The following DNAJC21 variants were observed in gnomAD, a reference collection of about 807,000 sequenced individuals.
DNAJC21 encodes the protein DnaJ heat shock protein family (Hsp40) member C21.
In DNAJC21, 63 loss-of-function variants were observed where a neutral mutation model predicts 72.4. The ratio of observed to expected loss-of-function variants is 0.87; its 90% CI spans 0.71 to 1.07. The LOEUF (loss-of-function observed/expected upper bound fraction) is 1.07. Ranked by LOEUF, DNAJC21 falls within the 50% of genes least tolerant of loss-of-function variation. DNAJC21 has a pLI of 0.00. For synonymous variants in DNAJC21, 203 were observed against 216.7 expected (o/e 0.94, Z 0.56); for missense variants, 634 against 644.8 (o/e 0.98, Z 0.18).
At chr5:34,945,173 G>A (rs749035639) in intron 8 of DNAJC21, 148 bp downstream of exon 8, 3 of 941,164 alleles carry the variant, frequency 3.2e-6, no homozygotes, top group Non-Finnish European at 4.8e-6. Context: ...CAACTTGTGG[G>A]TTCAAGTGAT....
At position 34,954,638 on chromosome 5, in the gene DNAJC21, C is replaced by G; in HGVS notation, c.1520C>G (p.Ala507Gly). ...GACCATCTAAAGGCCACAGGTCATG[C>G]AAGAGCACCTTCATCATCGTCTTTA... ...LFDHLKATGHARAPSSSSLNS... is the reference protein window; with the variant it reads ...LFDHLKATGHGRAPSSSSLNS... Residue 507 changes from alanine to glycine, a missense_variant, in exon 12 of 12, where the codon GCA becomes GGA. Transcript: ENST00000648817. 1.2e-6 allele frequency: 2 copies of G among 1,613,754 alleles called. No individual in the cohort carries two copies. The highest frequency in any genetic ancestry group is 1.1e-5 in the South Asian group (1 of 91,010).
At chr5:34,945,438 C>G (rs1765143407) in intron 8 of DNAJC21, among the ~76,000 whole-genome samples, 1 of 152,122 alleles carries the variant, frequency 6.6e-6, no homozygotes, top group Admixed American at 6.5e-5. Context: ...TCCATATTTT[C>G]TAGTTAATGG....
intron 10 of DNAJC21, chr5:34,953,719 G>A: frequency 2.3e-6 from 1 of 436,074 alleles, no homozygotes. Flanking sequence ...TAATTTTTGT[G>A]CCAAATTTGA....
intron 1 of DNAJC21, 114 bp downstream of exon 1, chr5:34,930,030 G>A: frequency 1.3e-6 from 1 of 793,534 alleles, no homozygotes. Context: ...TGGCGGCCTA[G>A]GAGCTCCTTG....
At position 34,954,952 on chromosome 5, in the gene DNAJC21, C is replaced by T; in HGVS notation, c.*238C>T. The T allele has an allele frequency of 3.0e-6, 1 of 338,048 alleles. No individual in the cohort carries two copies. Among genetic ancestry groups the T allele is most frequent in the Non-Finnish European group, 5.2e-6 (1 of 190,968 alleles). The allele number at this position is 338,048 out of a possible 1,614,324, so 20.9% of individuals were successfully genotyped here. A position where few individuals can be genotyped will look rare whatever the true frequency, so the allele number is the denominator to read the frequency against. The stretch of plus-strand genomic sequence containing the variant: ...TTGAATGTCTTAAAACAGGTAAATA[C>T]TGTAAAGTGTGTATTCTTGATGTTT... On this transcript the variant is annotated 3_prime_UTR_variant, in exon 12 of 12. Transcript: ENST00000648817.
rs1421129640 is a variant in DNAJC21, at chr5:34,937,395, T to C, written c.508T>C (p.Tyr170His). Residue 170 changes from tyrosine (Y) to histidine (H), a missense_variant, in exon 5 of 12, where the codon TAT (tyrosine) becomes CAT (histidine). Coordinates refer to ENST00000648817, the MANE Select transcript of DNAJC21 (RefSeq NM_001012339.3). ...TQKNFAWKEE[Y>H]DTRQASNRWE... is the part of the protein sequence containing the mutation. Reference sequence around the variant, plus strand: ...AAAGAATTTTGCATGGAAGGAAGAATATGATACACGACAGGCTTCAAACCG... The same window carrying C: ...AAAGAATTTTGCATGGAAGGAAGAACATGATACACGACAGGCTTCAAACCG... 5.0e-6 allele frequency: 8 copies of C among 1,613,960 alleles called. No homozygotes were observed. The highest frequency in any genetic ancestry group is 6.8e-6 in the Non-Finnish European group (8 of 1,180,032).
At chr5:34,951,907 C>G (rs1655294593) in intron 10 of DNAJC21, 4 of 985,330 alleles carry the variant, frequency 4.1e-6, no homozygotes, top group Admixed American at 6.2e-5. Context: ...GTTCAGCTCT[C>G]TAATTTCACT....
In DNAJC21 at chr5:34,944,800, C is replaced by T. The variant is rs1580534728; in HGVS notation, c.984-67C>T. 12 of 1,581,640 alleles carry T rather than the reference C, an allele frequency of 7.6e-6. No homozygotes were observed. The East Asian group carries it at 2.5e-4, about 33-fold the overall frequency. On this transcript the variant is annotated intron_variant, in intron 7 of 11. Transcript: ENST00000648817. ...CTAATTTTATCTTGGTTGCAGTTATCCAGCAACATTATCTGGACACGTGAA... is the reference window on the plus strand; with the variant it reads ...CTAATTTTATCTTGGTTGCAGTTATTCAGCAACATTATCTGGACACGTGAA...
intron 1 of DNAJC21, 42 bp downstream of exon 1, chr5:34,929,958 C>T (rs780192052): frequency 2.1e-5 from 31 of 1,472,042 alleles, no homozygotes; most frequent in Admixed American, 4.0e-5. Context: ...CTCGGAGAAG[C>T]CCGGCCCTCC....
intron 7 of DNAJC21, 93 bp downstream of exon 7, chr5:34,941,276 C>T: frequency 9.0e-7 from 1 of 1,113,312 alleles, no homozygotes; most frequent in African/African-American, 1.6e-5. Context: ...TGACTCACCA[C>T]AGCCTCGACC....
chr5:34,955,609 G>C lies in DNAJC21; in HGVS notation c.*895G>C, dbSNP rs1458937699. 2 of 151,776 alleles carry C rather than the reference G, an allele frequency of 1.3e-5. No homozygotes were observed. The highest frequency in any genetic ancestry group is 2.9e-5 in the Non-Finnish European group (2 of 67,974). The allele number at this position is 151,776 out of a possible 1,614,324, so 9.4% of individuals were successfully genotyped here. On this transcript the variant is annotated 3_prime_UTR_variant, in exon 12 of 12. Coordinates refer to ENST00000648817, the MANE Select transcript of DNAJC21 (RefSeq NM_001012339.3). The stretch of plus-strand genomic sequence containing the variant: ...TAATGAAAGATTTTGTGATAGAGCT[G>C]ATGCTTATACATCTATTCTATAACA...
At chr5:34,936,399 G>A in intron 4 of DNAJC21, 133 bp downstream of exon 4, 1 of 1,065,634 alleles carries the variant, frequency 9.4e-7, no homozygotes, top group Non-Finnish European at 1.3e-6. Context: ...TCTCACAGCA[G>A]CCTCAAACTC....
At position 34,929,936 on chromosome 5, in the gene DNAJC21, C is replaced by G; in HGVS notation, c.97+20C>G. 6.5e-7 allele frequency: 1 copy of G among 1,538,904 alleles called. No homozygotes were observed. The highest frequency in any genetic ancestry group is 8.8e-7 in the Non-Finnish European group (1 of 1,137,724). ...ACCCGGGTAAGTACCTGTCCCGCAG[C>G]CCCCGCGGCCACTCGGAGAAGCCCG... On this transcript the variant is annotated intron_variant, in intron 1 of 11. Coordinates refer to ENST00000648817, the MANE Select transcript of DNAJC21 (RefSeq NM_001012339.3).
At position 34,935,736 on chromosome 5, in the gene DNAJC21, T is replaced by C. The variant is rs745552566; in HGVS notation, c.218T>C (p.Leu73Pro). 4 of 1,613,920 alleles carry C rather than the reference T, an allele frequency of 2.5e-6. No individual in the cohort carries two copies. In the South Asian group the frequency reaches 3.3e-5, roughly 13 times the overall value. Residue 73 changes from leucine (L) to proline (P), a missense_variant, in exon 3 of 12, where the codon CTT (leucine) becomes CCT (proline). Transcript: ENST00000648817. The stretch of plus-strand genomic sequence containing the variant: ...TATGATAATCATAGAGAGGCCCTAC[T>C]TAAAGGTGGGTTTGATGGCGAATAT... ...AWYDNHREAL[L>P]KGGFDGEYQD...
chr5:34,931,806 G>A (rs764754912), intron 1 of DNAJC21, among the ~76,000 whole-genome samples: 1 of 152,138 alleles, frequency 6.6e-6, no homozygotes. Context: ...GGGGGAAAGC[G>A]CAAGGGGAGG....
At chr5:34,940,453 T>C (rs1764949592) in intron 6 of DNAJC21, among the ~76,000 whole-genome samples, 1 of 152,222 alleles carries the variant, frequency 6.6e-6, no homozygotes, top group South Asian at 2.1e-4. Context: ...ATTGGTCCTA[T>C]AATAAATCCC....
intron 3 of DNAJC21, 83 bp downstream of exon 3, chr5:34,935,916 T>G (rs970322528): frequency 1.3e-6 from 2 of 1,569,924 alleles, no homozygotes; most frequent in African/African-American, 2.7e-5. Flanking sequence ...AAAACTATTC[T>G]GTAATAGAAA....
chr5:34,952,921 C>T (rs1441578681), intron 10 of DNAJC21, among the ~76,000 whole-genome samples: 3 of 151,928 alleles, frequency 2.0e-5, no homozygotes, highest in East Asian at 2.0e-4. Context: ...AAAGCCAAGG[C>T]GGGTGGATCA....
Position 34,929,780 on chromosome 5 carries a change from C to T in DNAJC21, c.-40C>T, listed in dbSNP as rs1186022163. On this transcript the variant is annotated 5_prime_UTR_variant, in exon 1 of 12. Transcript: ENST00000648817. ...TCGGCCCGGGCCCGGGCCCCGACCC[C>T]GTCCCGGGCCCCAGCGCCGGCCGCC... is the stretch of plus-strand genomic sequence containing the variant. 6.8e-6 allele frequency: 8 copies of T among 1,170,986 alleles called. No individual in the cohort carries two copies. Among genetic ancestry groups the T allele is most frequent in the African/African-American group, 6.6e-5 (4 of 60,884 alleles). The allele number at this position is 1,170,986 out of a possible 1,614,324, so 72.5% of individuals were successfully genotyped here.
Sources: gnomAD v4.1 joint callset for allele counts (sites outside exome capture counted in the v4.1 genomes callset) on GRCh38, gnomAD v4.1.1 for gene constraint, MANE v1.5 for transcripts, NCBI Gene and HGNC (gene_info 2026-07-23, HGNC 2026-07-21) for gene names.